The following SORCS2 variants were observed in gnomAD, a reference collection of about 807,000 sequenced individuals.
SORCS2 encodes the protein VPS10 domain-containing receptor SorCS2.
A neutral mutation model predicts 141.6 loss-of-function variants in SORCS2; 100 were observed. The observed-to-expected ratio is 0.71, with a 90% CI of 0.60 to 0.83. The LOEUF is 0.83. Among genes scored for constraint, SORCS2 ranks in the 40% least tolerant of loss-of-function variants. The pLI is 0.00. For synonymous variants in SORCS2, 789 were observed against 676.9 expected (o/e 1.17, Z -2.57); for missense variants, 1,646 against 1,560.2 (o/e 1.05, Z -0.93).
At chr4:7,229,761 C>G (rs1711689183) in intron 1 of SORCS2, among the ~76,000 whole-genome samples, 1 of 152,088 alleles carries the variant, frequency 6.6e-6, no homozygotes, top group South Asian at 2.1e-4. Context: ...GTGTCATGTG[C>G]TCATGTATGA....
chr4:7,675,518 C>T (rs1295634220), intron 8 of SORCS2, among the ~76,000 whole-genome samples: 4 of 152,228 alleles, frequency 2.6e-5, no homozygotes, highest in Non-Finnish European at 5.9e-5. Flanking sequence ...GACAGGGCCA[C>T]ACCTGGCTCC....
At chr4:7,448,069 C>T (rs186028626) in intron 2 of SORCS2, among the ~76,000 whole-genome samples, 133 of 152,288 alleles carry the variant, frequency 8.7e-4, no homozygotes, top group African/African-American at 2.9e-3. Context: ...CCCTGTGTTA[C>T]GTCCAGGAAA....
chr4:7,527,053 A>C lies in SORCS2; in HGVS notation c.549-4477A>C, dbSNP rs562696500. Reference sequence around the variant, plus strand: ...CTAGTGCTAGGCGGCCCTGCGGGTCAGTGGTGCTGCCCGACAATGCGGGTC... The same window carrying C: ...CTAGTGCTAGGCGGCCCTGCGGGTCCGTGGTGCTGCCCGACAATGCGGGTC... On this transcript the variant is annotated intron_variant, in intron 2 of 26. Transcript: ENST00000507866. Among the ~76,000 whole-genome samples the C allele has an allele frequency of 1.6e-4, 24 of 152,336 alleles. No homozygotes were observed. In the South Asian group the frequency reaches 4.8e-3, roughly 30 times the overall value.
rs192452231 is a variant in SORCS2, at chr4:7,378,601, C to T, written c.481-17687C>T. On this transcript the variant is annotated intron_variant, in intron 1 of 26. Coordinates refer to ENST00000507866, the MANE Select transcript of SORCS2 (RefSeq NM_020777.3). ...TCCACCCCCGTGATTCAATTATCTCCACCTGGTCCCGCCCTTGACACGTGG... is the reference window on the plus strand; with the variant it reads ...TCCACCCCCGTGATTCAATTATCTCTACCTGGTCCCGCCCTTGACACGTGG... 6.8e-4 allele frequency among the ~76,000 whole-genome samples: 103 copies of T among 152,322 alleles called. 2 individuals carry two copies. Among genetic ancestry groups the T allele is most frequent in the Middle Eastern group, 6.8e-3 (2 of 294 alleles).
chr4:7,697,901 A>G (rs1473684646), intron 12 of SORCS2, among the ~76,000 whole-genome samples: 2 of 152,180 alleles, frequency 1.3e-5, no homozygotes, highest in Non-Finnish European at 2.9e-5. Context: ...TCCCACCAGC[A>G]CAGGATGGCC....
chr4:7,238,057 A>AT (rs1213014852), intron 1 of SORCS2, among the ~76,000 whole-genome samples: 1 of 152,026 alleles, frequency 6.6e-6, no homozygotes, highest in African/African-American at 2.4e-5. Context: ...TTCGGAAACA[A>AT]TGTTCTTTCC....
At chr4:7,240,956 C>T (rs1712652337) in intron 1 of SORCS2, among the ~76,000 whole-genome samples, 1 of 152,134 alleles carries the variant, frequency 6.6e-6, no homozygotes, top group Non-Finnish European at 1.5e-5. Flanking sequence ...TTTTTTGAGG[C>T]AGAGTCTCAT....
At chr4:7,724,183 A>G (rs1030046412) in intron 19 of SORCS2, among the ~76,000 whole-genome samples, 18 of 124,346 alleles carry the variant, frequency 1.4e-4, no homozygotes, top group Middle Eastern at 5.2e-3. Context: ...TGGTGATAGC[A>G]GTACTGGTGG....
At chr4:7,545,716 C>G (rs931857677) in intron 3 of SORCS2, among the ~76,000 whole-genome samples, 2 of 152,222 alleles carry the variant, frequency 1.3e-5, no homozygotes, top group African/African-American at 4.8e-5. Flanking sequence ...CCTGGAGAGC[C>G]TGGTGTTTGT....
At chr4:7,554,401 T>A (rs1482608655) in intron 3 of SORCS2, among the ~76,000 whole-genome samples, 1 of 152,112 alleles carries the variant, frequency 6.6e-6, no homozygotes, top group Non-Finnish European at 1.5e-5. Flanking sequence ...TTGGAGACAC[T>A]ACATGTGGGA....
intron 2 of SORCS2, among the ~76,000 whole-genome samples, chr4:7,416,614 A>ACACGCATATGGACACATT (rs1491415569): frequency 6.6e-6 from 1 of 152,146 alleles, no homozygotes; most frequent in East Asian, 1.9e-4. Context: ...GTATACACAG[A>ACACGCATATGGACACATT]CACGCATATG....
intron 4 of SORCS2, 99 bp downstream of exon 4, chr4:7,638,591 C>G (rs1720425706): frequency 8.3e-6 from 11 of 1,318,298 alleles, no homozygotes; most frequent in Non-Finnish European, 1.1e-5. Flanking sequence ...GACCCGGAAC[C>G]CCTGGGCTGG....
intron 1 of SORCS2, among the ~76,000 whole-genome samples, chr4:7,373,458 TTATATATATA>T (rs1553850461): frequency 1.2e-5 from 1 of 82,832 alleles, no homozygotes; most frequent in African/African-American, 7.1e-5. Context: ...TGAGAAACTT[TTATATATATA>T]TATATATATA....
intron 3 of SORCS2, among the ~76,000 whole-genome samples, chr4:7,633,569 A>C (rs544072888): frequency 5.1e-4 from 69 of 136,318 alleles, no homozygotes; most frequent in Non-Finnish European, 8.9e-4. Context: ...TGGTTTTGCA[A>C]TGTGAAAGAA....
intron 1 of SORCS2, among the ~76,000 whole-genome samples, chr4:7,369,410 T>C (rs1378452946): frequency 6.6e-6 from 1 of 152,150 alleles, no homozygotes; most frequent in African/African-American, 2.4e-5. Context: ...ATGAATACAA[T>C]AAGTAAGTGC....
At chr4:7,436,095 G>A (rs1280730650) in intron 2 of SORCS2, among the ~76,000 whole-genome samples, 2 of 152,214 alleles carry the variant, frequency 1.3e-5, no homozygotes, top group East Asian at 3.8e-4. Flanking sequence ...CGGAAAATAG[G>A]ATTTGCTGAG....
chr4:7,695,416 A>G (rs1295280859), intron 11 of SORCS2, among the ~76,000 whole-genome samples: 5 of 38,872 alleles, frequency 1.3e-4, no homozygotes, highest in Admixed American at 3.0e-4. Context: ...GGGTGGGTGG[A>G]TGGTTGGATG....
At chr4:7,665,678 C>T (rs1722460082) in intron 7 of SORCS2, among the ~76,000 whole-genome samples, 1 of 152,200 alleles carries the variant, frequency 6.6e-6, no homozygotes, top group African/African-American at 2.4e-5. Flanking sequence ...CTACACCTGA[C>T]TCAGGCAAGC....
chr4:7,726,794 G>A lies in SORCS2; in HGVS notation c.2760G>A (p.Leu920=), dbSNP rs746773339. The change falls in exon 21 of 27, where the codon CTG becomes CTA. Residue 920 remains leucine, a synonymous_variant. Transcript: ENST00000507866. ...TGCCCCTGCAGCCCCTCCTTTCCCT[G>A]GATAATTCTGTGACAACGCGGTTTT... is the stretch of plus-strand genomic sequence containing the variant. ...IGHSLQPLLS[L]DNSVTTRFSD... 15 of 1,613,644 alleles carry A rather than the reference G, an allele frequency of 9.3e-6. No homozygotes were observed. Among genetic ancestry groups the A allele is most frequent in the Non-Finnish European group, 3.4e-6 (4 of 1,179,794 alleles).
Sources: allele counts gnomAD v4.1 joint callset (sites outside exome capture counted in the v4.1 genomes callset), GRCh38; gene constraint gnomAD v4.1.1; transcripts MANE v1.5; gene names NCBI Gene and HGNC (gene_info 2026-07-23, HGNC 2026-07-21).